The following XRCC5 variants were observed in gnomAD, a reference collection of about 807,000 sequenced individuals.
XRCC5 encodes the protein X-ray repair cross complementing 5.
A neutral mutation model predicts 95.7 loss-of-function variants in XRCC5; 12 were observed. The ratio of observed to expected loss-of-function variants is 0.13; its 90% CI spans 0.08 to 0.20. XRCC5 has a LOEUF of 0.20. XRCC5 is among the 10% of genes least tolerant of loss of function. XRCC5 has a pLI of 1.00. For missense variants in XRCC5, 595 were observed against 873.9 expected, an observed-to-expected ratio of 0.68 and a Z score of 4.02; for synonymous variants, 281 against 290.3, an observed-to-expected ratio of 0.97 and a Z score of 0.33.
intron 2 of XRCC5, among the ~76,000 whole-genome samples, chr2:216,115,122 T>C (rs1329225601): frequency 6.6e-6 from 1 of 152,200 alleles, no homozygotes; most frequent in East Asian, 1.9e-4. Flanking sequence ...CTCACTTTGC[T>C]TAAAATAAAT....
Position 216,171,680 on chromosome 2 carries a change from C to T in XRCC5, c.1834+9632C>T, listed in dbSNP as rs528836829. On this transcript the variant is annotated intron_variant, in intron 16 of 20. Transcript: ENST00000392132. ...TCAGGAGCCATTGCTCATATAAGAA[C>T]TACTTTTTTACAATTCCCTTGCTCT... Among the ~76,000 whole-genome samples, 8 of 152,314 alleles carry T rather than the reference C, an allele frequency of 5.3e-5. No homozygotes were observed. The East Asian group carries it at 5.8e-4, about 11-fold the overall frequency.
At chr2:216,178,662 C>T (rs1272077152) in intron 16 of XRCC5, among the ~76,000 whole-genome samples, 1 of 152,212 alleles carries the variant, frequency 6.6e-6, no homozygotes, top group East Asian at 1.9e-4. Flanking sequence ...CCCTGTACAT[C>T]TGCATATATA....
intron 18 of XRCC5, among the ~76,000 whole-genome samples, chr2:216,193,595 A>G (rs1400771461): frequency 1.3e-5 from 2 of 152,216 alleles, no homozygotes; most frequent in Non-Finnish European, 2.9e-5. Context: ...GGAGAACAAA[A>G]GGAATTGGAA....
At chr2:216,199,152 G>A (rs984925548) in intron 19 of XRCC5, among the ~76,000 whole-genome samples, 2 of 152,198 alleles carry the variant, frequency 1.3e-5, no homozygotes, top group South Asian at 2.1e-4. Context: ...TGAGGTTAAA[G>A]AACAATCCTC....
intron 4 of XRCC5, among the ~76,000 whole-genome samples, chr2:216,118,469 G>T (rs1163550779): frequency 1.3e-5 from 2 of 152,180 alleles, no homozygotes; most frequent in Non-Finnish European, 2.9e-5. Context: ...GAACCACCAT[G>T]CCTGGCCTGC....
chr2:216,141,258 C>T lies in XRCC5; in HGVS notation c.1415C>T (p.Thr472Ile). The change falls in exon 13 of 21, where the codon ACC (threonine) becomes ATC (isoleucine). Residue 472 changes from threonine (T) to isoleucine (I), a missense_variant. Thr to Ile is a moderately conservative substitution (Grantham distance 89). Around this residue, in one of 2 missense-constraint regions of XRCC5, gnomAD observed 309 missense variants for 382.9 expected, o/e 0.81. Coordinates refer to ENST00000392132, the MANE Select transcript of XRCC5 (RefSeq NM_021141.4). The stretch of plus-strand genomic sequence containing the variant: ...GCAAAGAAAGATGAGAAGACAGACA[C>T]CCTTGAAGACTTGTTTCCAACCACC... Reference protein sequence around the residue: ...SLAKKDEKTDTLEDLFPTTKI... With the variant: ...SLAKKDEKTDILEDLFPTTKI... The T allele has an allele frequency of 9.9e-6, 16 of 1,614,098 alleles. No homozygotes were observed. The highest frequency in any genetic ancestry group is 1.4e-5 in the Non-Finnish European group (16 of 1,179,996).
chr2:216,175,341 T>C, intron 16 of XRCC5: 1 of 467,138 alleles, frequency 2.1e-6, no homozygotes, highest in South Asian at 1.6e-5. Context: ...CCAAAATTAC[T>C]TGCACCACTT....
Position 216,122,088 on chromosome 2 carries a change from A to G in XRCC5, c.518A>G (p.Asp173Gly). Residue 173 changes from aspartate (D) to glycine (G), a missense_variant, in exon 6 of 21, where the codon GAT becomes GGT. Physicochemically the swap from Asp to Gly is moderately conservative, Grantham distance 94 (BLOSUM62 -1). This residue lies in a region of XRCC5 where 286 missense variants were observed against 491.1 expected (regional missense o/e 0.58). Coordinates refer to ENST00000392132, the MANE Select transcript of XRCC5 (RefSeq NM_021141.4). ...FFLPFSLGKE[D>G]GSGDRGDGPF... is the part of the protein sequence containing the mutation. Reference sequence around the variant, plus strand: ...TTGCCTTTCTCACTTGGCAAGGAAGATGGAAGTGGGGACAGAGGAGATGGC... The same window carrying G: ...TTGCCTTTCTCACTTGGCAAGGAAGGTGGAAGTGGGGACAGAGGAGATGGC... 6.2e-7 allele frequency: 1 copy of G among 1,612,840 alleles called. No individual in the cohort carries two copies. The highest frequency in any genetic ancestry group is 1.1e-5 in the South Asian group (1 of 91,014).
intron 5 of XRCC5, among the ~76,000 whole-genome samples, chr2:216,121,811 TC>T (rs56113749): frequency 6.6e-6 from 1 of 152,288 alleles, no homozygotes; most frequent in South Asian, 2.1e-4. Flanking sequence ...GGTCTGGACT[TC>T]CTAAGGCCTT....
intron 18 of XRCC5, among the ~76,000 whole-genome samples, chr2:216,192,943 A>C (rs979636262): frequency 5.3e-5 from 8 of 152,180 alleles, no homozygotes; most frequent in Non-Finnish European, 5.9e-5. Flanking sequence ...CAGAGTGATA[A>C]ATAATAAATA....
At chr2:216,165,207 T>A (rs1689032740) in intron 16 of XRCC5, among the ~76,000 whole-genome samples, 1 of 152,242 alleles carries the variant, frequency 6.6e-6, no homozygotes, top group African/African-American at 2.4e-5. Flanking sequence ...CCTACGCTTT[T>A]TAAAACAACA....
At chr2:216,128,962 A>T (rs1186857394) in intron 8 of XRCC5, among the ~76,000 whole-genome samples, 1 of 152,200 alleles carries the variant, frequency 6.6e-6, no homozygotes, top group African/African-American at 2.4e-5. Context: ...TCTATTCTGA[A>T]TTTGGACTGA....
chr2:216,117,624 G>T (rs533622446), intron 3 of XRCC5, 122 bp from the exon 4 acceptor site: 8 of 890,958 alleles, frequency 9.0e-6, no homozygotes, highest in Non-Finnish European at 1.4e-5. Flanking sequence ...ACTCAGGCAA[G>T]TACTTTAAGT....
At chr2:216,117,276 G>A (rs2106001171) in intron 3 of XRCC5, 1 of 180,688 alleles carries the variant, frequency 5.5e-6, no homozygotes, top group African/African-American at 2.4e-5. Context: ...GATACCCAAA[G>A]TGAGATTTCC....
At chr2:216,195,012 T>C in intron 19 of XRCC5, 26 bp downstream of exon 19, 1 of 1,609,560 alleles carries the variant, frequency 6.2e-7, no homozygotes, top group South Asian at 1.1e-5. Context: ...CCTTTGTCTT[T>C]AGTTGAATTA....
intron 13 of XRCC5, among the ~76,000 whole-genome samples, chr2:216,144,328 G>A (rs530896208): frequency 2.0e-5 from 3 of 152,294 alleles, no homozygotes; most frequent in East Asian, 3.9e-4. Flanking sequence ...GATGGAAAAC[G>A]TGACAGAGAA....
intron 16 of XRCC5, among the ~76,000 whole-genome samples, chr2:216,165,536 C>T (rs945729849): frequency 1.2e-4 from 19 of 152,176 alleles, no homozygotes; most frequent in African/African-American, 4.6e-4. Flanking sequence ...TTGTTTTGGG[C>T]ATCTTGTTTG....
At chr2:216,116,385 G>T (rs964952554) in intron 2 of XRCC5, among the ~76,000 whole-genome samples, 1 of 151,754 alleles carries the variant, frequency 6.6e-6, no homozygotes, top group Non-Finnish European at 1.5e-5. Context: ...GTTTGATTTC[G>T]CTGGAAATCA....
intron 19 of XRCC5, among the ~76,000 whole-genome samples, chr2:216,195,258 T>G (rs993141198): frequency 6.6e-5 from 10 of 152,136 alleles, no homozygotes; most frequent in African/African-American, 2.2e-4. Flanking sequence ...TGCGCAAACT[T>G]AGCCTCGGCC....
Sources: gnomAD v4.1 joint callset for allele counts (sites outside exome capture counted in the v4.1 genomes callset) on GRCh38, gnomAD v4.1.1 for gene constraint, gnomAD v4.1.1 regional missense constraint, MANE v1.5 for transcripts, NCBI Gene and HGNC (gene_info 2026-07-23, HGNC 2026-07-21) for gene names.